Variants in DRC1 observed in about 807,000 individuals in gnomAD.
DRC1 encodes dynein regulatory complex subunit 1, also known as dynein regulatory complex protein 1.
A neutral mutation model predicts 98.7 loss-of-function variants in DRC1; 74 were observed. The ratio of observed to expected loss-of-function variants is 0.75; its 90% confidence interval spans 0.62 to 0.91. The LOEUF is 0.91. DRC1 is among the 40% of genes least tolerant of loss of function. The pLI is 0.00. For synonymous variants in DRC1, 336 were observed against 334.1 expected (o/e 1.01, Z -0.06); for missense variants, 875 against 886.0 (o/e 0.99, Z 0.16).
intron 6 of DRC1, 86 bp downstream of exon 6, chr2:26,430,958 C>CAT: frequency 2.3e-5 from 8 of 344,492 alleles, no homozygotes; most frequent in Non-Finnish European, 3.2e-5. Flanking sequence ...CTTTTTCTAT[C>CAT]TTTTTTTTTT....
In DRC1 at chr2:26,401,948, G is replaced by A; in HGVS notation, c.-42G>A. Reference sequence around the variant, plus strand: ...CCTAGCAACCAGCCTGAGGTCTGGAGGTGGTGCGGAGGGAGCCGCCTAGGG... The same window carrying A: ...CCTAGCAACCAGCCTGAGGTCTGGAAGTGGTGCGGAGGGAGCCGCCTAGGG... On this transcript the variant is annotated 5_prime_UTR_variant, in exon 1 of 17. Coordinates refer to ENST00000288710, the MANE Select transcript of DRC1 (RefSeq NM_145038.5). 6.4e-7 allele frequency: 1 copy of A among 1,560,230 alleles called. No homozygotes were observed.
Position 26,444,888 on chromosome 2 carries a change from A to G in DRC1, c.1336A>G (p.Ile446Val), listed in dbSNP as rs767513178. Reference protein sequence around the residue: ...DFWFLNNVGPISQQPQKSATQ... With the variant: ...DFWFLNNVGPVSQQPQKSATQ... ...CTGGTTCCTGAACAATGTTGGGCCT[A>G]TTTCTCAGCAGCCCCAGAAGTCCGC... Residue 446 changes from isoleucine (I) to valine (V), a missense_variant, in exon 10 of 17, where the codon ATT (isoleucine) becomes GTT (valine). Transcript: ENST00000288710. 3 of 1,614,122 alleles carry G rather than the reference A, an allele frequency of 1.9e-6. No individual in the cohort carries two copies. The highest frequency in any genetic ancestry group is 2.5e-6 in the Non-Finnish European group (3 of 1,180,026).
chr2:26,410,655 G>C (rs1024949206), intron 1 of DRC1, among the ~76,000 whole-genome samples: 8 of 152,148 alleles, frequency 5.3e-5, no homozygotes, highest in African/African-American at 1.7e-4. Flanking sequence ...TATTATCATG[G>C]AAAGAATTCA....
At chr2:26,439,469 A>C (rs544299402) in intron 7 of DRC1, among the ~76,000 whole-genome samples, 9 of 152,186 alleles carry the variant, frequency 5.9e-5, no homozygotes, top group African/African-American at 9.7e-5. Flanking sequence ...TCTGACATAG[A>C]TTAGGCACAC....
At chr2:26,436,377 C>T (rs551778311) in intron 7 of DRC1, among the ~76,000 whole-genome samples, 3 of 152,258 alleles carry the variant, frequency 2.0e-5, no homozygotes, top group South Asian at 2.1e-4. Context: ...GGCATGATCT[C>T]GGCTCACTGC....
rs779598136 is a variant in DRC1, at chr2:26,454,717, G to C, written c.1990G>C (p.Ala664Pro). The change falls in exon 15 of 17, where the codon GCC becomes CCC. Residue 664 changes from alanine to proline, a missense_variant. Coordinates refer to ENST00000288710, the MANE Select transcript of DRC1 (RefSeq NM_145038.5). The surrounding 1 kb of genome is among the most constrained non-coding windows in gnomAD (Gnocchi z 5.2). ...DNSKDSEYWQ[A>P]LTTVIPSSKQ... is the part of the protein sequence containing the mutation. ...CTCCAAGGACTCGGAGTACTGGCAG[G>C]CCCTGACCACAGTGATCCCTTCCTC... The C allele has an allele frequency of 1.2e-6, 2 of 1,614,134 alleles. No homozygotes were observed. The highest frequency in any genetic ancestry group is 2.7e-5 in the African/African-American group (2 of 75,028).
chr2:26,438,162 ATTG>A (rs1483245081), intron 7 of DRC1, among the ~76,000 whole-genome samples: 2 of 151,928 alleles, frequency 1.3e-5, no homozygotes, highest in Non-Finnish European at 2.9e-5. Context: ...AACATGGAAA[ATTG>A]TTGTAATATT....
chr2:26,453,654 G>A, intron 14 of DRC1, 105 bp downstream of exon 14: 2 of 1,185,304 alleles, frequency 1.7e-6, no homozygotes, highest in Non-Finnish European at 2.4e-6. Context: ...TGCTGGGCAA[G>A]ATGCGGGGAC....
intron 2 of DRC1, among the ~76,000 whole-genome samples, chr2:26,418,697 ATTATATTTAATT>A (rs2147983602): frequency 1.1e-5 from 1 of 88,870 alleles, no homozygotes. Flanking sequence ...TTATATATAA[ATTATATTTAATT>A]TATATAATAT....
chr2:26,419,775 G>C (rs1376463692), intron 2 of DRC1, among the ~76,000 whole-genome samples: 1 of 152,152 alleles, frequency 6.6e-6, no homozygotes, highest in African/African-American at 2.4e-5. Context: ...CGAACTTTTT[G>C]TTGAGAGGAT....
In DRC1 at chr2:26,455,990, G is replaced by A. The variant is rs569380239; in HGVS notation, c.2167-471G>A. Among the ~76,000 whole-genome samples, 6 of 152,332 alleles carry A rather than the reference G, an allele frequency of 3.9e-5. No homozygotes were observed. The East Asian group carries it at 1.2e-3, about 29-fold the overall frequency. On this transcript the variant is annotated intron_variant, in intron 16 of 16. Transcript: ENST00000288710. ...CAAGTCCAGCCACAGGGGCTGCGTG[G>A]CCCCAGCACAGTCCCAGGTCCCAGG...
chr2:26,435,229 G>T (rs1663539920), intron 7 of DRC1, among the ~76,000 whole-genome samples: 1 of 152,180 alleles, frequency 6.6e-6, no homozygotes, highest in South Asian at 2.1e-4. Flanking sequence ...GGAAGGTGTT[G>T]TCAACACTTA....
chr2:26,413,750 T>C (rs1405165875), intron 1 of DRC1, among the ~76,000 whole-genome samples: 1 of 152,170 alleles, frequency 6.6e-6, no homozygotes, highest in Non-Finnish European at 1.5e-5. Context: ...TTTTATCAGT[T>C]TATCCCTTGA....
chr2:26,453,431 A>G lies in DRC1; in HGVS notation c.1801A>G (p.Ser601Gly), dbSNP rs1664059066. 5.0e-6 allele frequency: 8 copies of G among 1,614,036 alleles called. No homozygotes were observed. Among genetic ancestry groups the G allele is most frequent in the Non-Finnish European group, 6.8e-6 (8 of 1,180,040 alleles). Reference sequence around the variant, plus strand: ...GGAGATGGAGGGAGAAAAGGAAGAAAGCCTGGTGGAAGGGGAGAAGGAGGA... The same window carrying G: ...GGAGATGGAGGGAGAAAAGGAAGAAGGCCTGGTGGAAGGGGAGAAGGAGGA... ...QTEMEGEKEESLVEGEKEEEE... is the reference protein window; with the variant it reads ...QTEMEGEKEEGLVEGEKEEEE... The change falls in exon 14 of 17, where the codon AGC becomes GGC. Residue 601 changes from serine to glycine, a missense_variant. Transcript: ENST00000288710.
At chr2:26,425,782 G>T (rs2147988300) in intron 4 of DRC1, among the ~76,000 whole-genome samples, 1 of 152,186 alleles carries the variant, frequency 6.6e-6, no homozygotes, top group Non-Finnish European at 1.5e-5. Flanking sequence ...TTGAGTTATA[G>T]AAGTTCTTTA....
intron 2 of DRC1, among the ~76,000 whole-genome samples, chr2:26,416,944 A>C (rs1572356997): frequency 6.6e-6 from 1 of 152,270 alleles, no homozygotes; most frequent in Non-Finnish European, 1.5e-5. Flanking sequence ...CAGAAGGCAA[A>C]GGGGAAGCAG....
chr2:26,402,909 G>A (rs567927566), intron 1 of DRC1, among the ~76,000 whole-genome samples: 1 of 152,278 alleles, frequency 6.6e-6, no homozygotes, highest in African/African-American at 2.4e-5. Flanking sequence ...TTCAGTAAAG[G>A]GCCAAATAGT....
At chr2:26,423,269 T>C (rs1663193713) in intron 3 of DRC1, among the ~76,000 whole-genome samples, 1 of 152,160 alleles carries the variant, frequency 6.6e-6, no homozygotes, top group Non-Finnish European at 1.5e-5. Flanking sequence ...CTGACAGCTC[T>C]TTCTCATTTC....
chr2:26,410,420 T>C (rs1036682792), intron 1 of DRC1, among the ~76,000 whole-genome samples: 8 of 151,574 alleles, frequency 5.3e-5, no homozygotes, highest in Admixed American at 1.3e-4. Context: ...TACAGACACC[T>C]GCCACTATGC....
Sources: allele counts gnomAD v4.1 joint callset (sites outside exome capture counted in the v4.1 genomes callset), GRCh38; gene constraint gnomAD v4.1.1; non-coding constraint Gnocchi (gnomAD v3.1); transcripts MANE v1.5; gene names NCBI Gene and HGNC (gene_info 2026-07-23, HGNC 2026-07-21).